Variants in GIPC1 observed in about 807,000 individuals in gnomAD.
GIPC1 encodes the protein GIPC PDZ domain containing family member 1.
GIPC1 carries 15 observed loss-of-function variants against 28.5 expected under a neutral mutation model. The observed-to-expected ratio is 0.53, with a 90% CI of 0.35 to 0.81. The LOEUF (loss-of-function observed/expected upper bound fraction) is 0.81, where lower values mean the gene tolerates loss of function less well. Among genes scored for constraint, GIPC1 ranks in the 30% least tolerant of loss-of-function variants. The probability of loss-of-function intolerance (pLI) is 0.01; values close to 1 mark genes in which losing one functional copy is unlikely to be tolerated. For missense variants in GIPC1, 439 were observed against 481.9 expected (o/e 0.91, Z 0.83); for synonymous variants, 224 against 206.1 (o/e 1.09, Z -0.74).
chr19:14,480,069 G>A, intron 6 of GIPC1: 1 of 592,040 alleles, frequency 1.7e-6, no homozygotes, highest in Non-Finnish European at 3.0e-6. Context: ...CTGGGCTAAT[G>A]GCCCCTGGAA....
chr19:14,493,930 G>A (rs2146497201), intron 1 of GIPC1, among the ~76,000 whole-genome samples: 1 of 151,400 alleles, frequency 6.6e-6, no homozygotes, highest in South Asian at 2.1e-4. Context: ...CAAAGTGCTG[G>A]GATTACAGGC....
rs1013007414 is a variant in GIPC1, at chr19:14,478,261, G to A, written c.*155C>T. 2.7e-5 allele frequency: 20 copies of A among 734,842 alleles called. No homozygotes were observed. Among genetic ancestry groups the A allele is most frequent in the Non-Finnish European group, 3.3e-5 (15 of 459,328 alleles). 45.5% of individuals were successfully genotyped at this position (734,842 alleles called of 1,614,324 possible). ...CAGGGAGGGGATGGTACCGATTGGA[G>A]CGGGGCAGGGGGCCTGGCCCCACCT... On this transcript the variant is annotated 3_prime_UTR_variant, in exon 9 of 9. Transcript: ENST00000393033. The surrounding 1 kb of genome is among the most constrained non-coding windows in gnomAD (Gnocchi z 5.2).
At position 14,478,832 on chromosome 19, in the gene GIPC1, T is replaced by C; in HGVS notation, c.769-67A>G. 2 of 1,165,334 alleles carry C rather than the reference T, an allele frequency of 1.7e-6. No individual in the cohort carries two copies. Among genetic ancestry groups the C allele is most frequent in the Non-Finnish European group, 2.6e-6 (2 of 772,098 alleles). 72.2% of individuals were successfully genotyped at this position (1,165,334 alleles called of 1,614,324 possible). ...GAATATACATAGTAATTGGACGGAC[T>C]GCCATTGTCACCACTTTACATATAT... On this transcript the variant is annotated intron_variant, in intron 7 of 8. Coordinates refer to ENST00000393033, the MANE Select transcript of GIPC1 (RefSeq NM_005716.4). This position sits in a 1 kb window ranked among gnomAD's most constrained non-coding sequence, Gnocchi z 5.2.
chr19:14,480,518 C>A (rs543095246), intron 5 of GIPC1, 33 bp from the exon 6 acceptor site: 34 of 1,605,366 alleles, frequency 2.1e-5, no homozygotes, highest in Non-Finnish European at 2.8e-5. Flanking sequence ...GCCCTTGGGG[C>A]TCTGCCCTGG....
intron 4 of GIPC1, chr19:14,481,899 A>G (rs1490570459): frequency 6.6e-6 from 1 of 152,022 alleles, no homozygotes; most frequent in Non-Finnish European, 1.5e-5. Context: ...CCTCCCATCT[A>G]TCCCCACAGT....
intron 3 of GIPC1, chr19:14,489,402 C>T: frequency 5.0e-6 from 4 of 794,284 alleles, no homozygotes; most frequent in African/African-American, 1.7e-5. Context: ...GCAAAGCTCA[C>T]CCTCCTGAGT....
rs1383331984 is a variant in GIPC1 at position 14,482,586 on chromosome 19, C to G, written c.288+103G>C. Reference sequence around the variant, plus strand: ...ACCACTGAGTGGGGCCCAGGCTCAGCATCTGCAGCTTCAGCATCTGAGCCC... The same window carrying G: ...ACCACTGAGTGGGGCCCAGGCTCAGGATCTGCAGCTTCAGCATCTGAGCCC... On this transcript the variant is annotated intron_variant, in intron 4 of 8. Transcript: ENST00000393033. The G allele has an allele frequency of 3.4e-6, 4 of 1,162,150 alleles. No individual in the cohort carries two copies. The African/African-American group carries it at 6.1e-5, about 18-fold the overall frequency. 72.0% of individuals were successfully genotyped at this position (1,162,150 alleles called of 1,614,324 possible).
At position 14,479,533 on chromosome 19, in the gene GIPC1, G is replaced by A; in HGVS notation, c.656-9C>T. On this transcript the variant is annotated splice_polypyrimidine_tract_variant and intron_variant, in intron 6 of 8. Transcript: ENST00000393033. Reference sequence around the variant, plus strand: ...ACGCTGGCTGATCATGTCTGTGGGAGGCAGGAGAGGAGTGAGTGTGGGGGA... The same window carrying A: ...ACGCTGGCTGATCATGTCTGTGGGAAGCAGGAGAGGAGTGAGTGTGGGGGA... 2 of 1,394,280 alleles carry A rather than the reference G, an allele frequency of 1.4e-6. No individual in the cohort carries two copies. Among genetic ancestry groups the A allele is most frequent in the Non-Finnish European group, 1.9e-6 (2 of 1,060,158 alleles). 86.4% of individuals were successfully genotyped at this position (1,394,280 alleles called of 1,614,324 possible).
In GIPC1 at chr19:14,482,709, A is replaced by C. The variant is rs1427114280; in HGVS notation, c.268T>G (p.Phe90Val). Reference protein sequence around the residue: ...KELYGKIAEAFRLPTAEVMFC... With the variant: ...KELYGKIAEAVRLPTAEVMFC... ...GATACCTCGGCAGTTGGCAGGCGGA[A>C]GGCCTCGGCGATCTTGCCATACAGC... The change falls in exon 4 of 9, where the codon TTC becomes GTC. Residue 90 changes from phenylalanine (F) to valine (V), a missense_variant. Coordinates refer to ENST00000393033, the MANE Select transcript of GIPC1 (RefSeq NM_005716.4). The C allele has an allele frequency of 1.2e-6, 2 of 1,611,374 alleles. No individual in the cohort carries two copies. Among genetic ancestry groups the C allele is most frequent in the Non-Finnish European group, 1.7e-6 (2 of 1,179,924 alleles).
rs1022412400 is a variant in GIPC1, at chr19:14,478,634, C to T, written c.850+50G>A. ...GGGACCAAGGGGCTCAGGGTGGATT[C>T]GGCCCCCAGCAGACCTAGATGCCCC... On this transcript the variant is annotated intron_variant, in intron 8 of 8. Coordinates refer to ENST00000393033, the MANE Select transcript of GIPC1 (RefSeq NM_005716.4). The surrounding 1 kb of genome is among the most constrained non-coding windows in gnomAD (Gnocchi z 5.2). 1.4e-5 allele frequency: 22 copies of T among 1,610,262 alleles called. No individual in the cohort carries two copies. Among genetic ancestry groups the T allele is most frequent in the Admixed American group, 6.7e-5 (4 of 59,970 alleles).
intron 1 of GIPC1, among the ~76,000 whole-genome samples, chr19:14,494,835 T>G (rs1050369316): frequency 6.6e-6 from 1 of 152,076 alleles, no homozygotes; most frequent in Admixed American, 6.6e-5. Context: ...GCCCGGATAT[T>G]GAGTGTTTGG....
intron 1 of GIPC1, among the ~76,000 whole-genome samples, chr19:14,493,289 G>T (rs968687392): frequency 5.3e-5 from 8 of 152,188 alleles, no homozygotes; most frequent in African/African-American, 1.9e-4. Context: ...TGGCATCACT[G>T]CCCTGCCTGA....
At position 14,482,670 on chromosome 19, in the gene GIPC1, C is replaced by T; in HGVS notation, c.288+19G>A. 2 of 1,610,116 alleles carry T rather than the reference C, an allele frequency of 1.2e-6. No individual in the cohort carries two copies. Among genetic ancestry groups the T allele is most frequent in the Non-Finnish European group, 8.5e-7 (1 of 1,179,124 alleles). ...GGTCCACCATCAGGGACCCTGGTGCCCGGCTCCCCAGTGGATACCTCGGCA... is the reference window on the plus strand; with the variant it reads ...GGTCCACCATCAGGGACCCTGGTGCTCGGCTCCCCAGTGGATACCTCGGCA... On this transcript the variant is annotated intron_variant, in intron 4 of 8. Coordinates refer to ENST00000393033, the MANE Select transcript of GIPC1 (RefSeq NM_005716.4).
At position 14,478,657 on chromosome 19, in the gene GIPC1, C is replaced by T. The variant is rs377407101; in HGVS notation, c.850+27G>A. On this transcript the variant is annotated intron_variant, in intron 8 of 8. Coordinates refer to ENST00000393033, the MANE Select transcript of GIPC1 (RefSeq NM_005716.4). The surrounding 1 kb of genome is among the most constrained non-coding windows in gnomAD (Gnocchi z 5.2). ...TTCGGCCCCCAGCAGACCTAGATGC[C>T]CCCTCCCCCAGGCAGCCCTCACTCA... 1.4e-5 allele frequency: 23 copies of T among 1,611,996 alleles called. No individual in the cohort carries two copies. The highest frequency in any genetic ancestry group is 1.8e-5 in the Non-Finnish European group (21 of 1,178,196).
chr19:14,483,313 G>A (rs576809916), intron 3 of GIPC1: 25 of 257,818 alleles, frequency 9.7e-5, no homozygotes, highest in Non-Finnish European at 1.4e-4. Flanking sequence ...AAAATTAGCC[G>A]GGTGTGGTGG....
At chr19:14,485,781 C>CT (rs2071831174) in intron 3 of GIPC1, among the ~76,000 whole-genome samples, 1 of 130,270 alleles carries the variant, frequency 7.7e-6, no homozygotes, top group African/African-American at 2.8e-5. Context: ...TCTTTTTTTT[C>CT]TTTTTTTGAG....
At chr19:14,487,685 C>CTTTTTTTTTTTT (rs34048955) in intron 3 of GIPC1, among the ~76,000 whole-genome samples, 25,890 of 128,294 alleles carry the variant, frequency 0.2, 3,252 homozygotes, top group South Asian at 0.24. Context: ...CTTTATTTTC[C>CTTTTTTTTTTTT]TTTTTTTTTT....
At position 14,478,192 on chromosome 19, in the gene GIPC1, G is replaced by C. The variant is rs890571954; in HGVS notation, c.*224C>G. 3 of 520,268 alleles carry C rather than the reference G, an allele frequency of 5.8e-6. No individual in the cohort carries two copies. Among genetic ancestry groups the C allele is most frequent in the Admixed American group, 3.3e-5 (1 of 30,730 alleles). 32.2% of individuals were successfully genotyped at this position (520,268 alleles called of 1,614,324 possible). ...GCCTGACCCAGCTGAGGTAGGTGGGGAACAGGGCACAGGGGGGCCGGGGAC... is the reference window on the plus strand; with the variant it reads ...GCCTGACCCAGCTGAGGTAGGTGGGCAACAGGGCACAGGGGGGCCGGGGAC... On this transcript the variant is annotated 3_prime_UTR_variant, in exon 9 of 9. Coordinates refer to ENST00000393033, the MANE Select transcript of GIPC1 (RefSeq NM_005716.4). The surrounding 1 kb of genome is among the most constrained non-coding windows in gnomAD (Gnocchi z 5.2).
rs779588664 is a variant in GIPC1 at position 14,480,290 on chromosome 19, G to C, written c.655+15C>G. 1.2e-6 allele frequency: 2 copies of C among 1,606,144 alleles called. No individual in the cohort carries two copies. The highest frequency in any genetic ancestry group is 2.3e-4 in the Middle Eastern group (1 of 4,432). ...GAGCAGCGCCACTGGGGAGGTCCAG[G>C]GGGCGGCTCCTCACCGAAGGCCTTG... is the stretch of plus-strand genomic sequence containing the variant. On this transcript the variant is annotated intron_variant, in intron 6 of 8. Coordinates refer to ENST00000393033, the MANE Select transcript of GIPC1 (RefSeq NM_005716.4).
Sources: allele counts gnomAD v4.1 joint callset (sites outside exome capture counted in the v4.1 genomes callset), GRCh38; gene constraint gnomAD v4.1.1; non-coding constraint Gnocchi (gnomAD v3.1); transcripts MANE v1.5; gene names NCBI Gene and HGNC (gene_info 2026-07-23, HGNC 2026-07-21).